Variants in ACSL3 observed in about 807,000 individuals in gnomAD.
ACSL3 encodes the protein fatty acid CoA ligase Acsl3.
In ACSL3, 34 loss-of-function variants were observed where a neutral mutation model predicts 84.7. The observed-to-expected ratio is 0.40, with a 90% CI of 0.31 to 0.53. The LOEUF is 0.53. ACSL3 is among the 20% of genes least tolerant of loss of function. The pLI is 0.48. For synonymous variants in ACSL3, 315 were observed against 299.4 expected (o/e 1.05, Z -0.54); for missense variants, 680 against 873.1 (o/e 0.78, Z 2.79).
intron 3 of ACSL3, among the ~76,000 whole-genome samples, chr2:222,903,888 G>T (rs1696222045): frequency 6.6e-6 from 1 of 152,056 alleles, no homozygotes; most frequent in Non-Finnish European, 1.5e-5. Context: ...GTAACACAGT[G>T]GGTATAAATG....
intron 13 of ACSL3, among the ~76,000 whole-genome samples, chr2:222,930,024 G>T (rs1304848435): frequency 6.8e-6 from 1 of 148,058 alleles, no homozygotes; most frequent in Non-Finnish European, 1.5e-5. Context: ...CACCTCCTGG[G>T]TTCAAGTGAT....
chr2:222,938,345 G>A (rs1697227005), intron 16 of ACSL3, among the ~76,000 whole-genome samples: 1 of 152,096 alleles, frequency 6.6e-6, no homozygotes, highest in Admixed American at 6.5e-5. Flanking sequence ...TGTAGGACTG[G>A]TCTAGTGGTG....
In ACSL3 at chr2:222,941,732, G is replaced by T; in HGVS notation, c.*78G>T. The stretch of plus-strand genomic sequence containing the variant: ...ATACTTGAAATGCATGTCTCAAGCT[G>T]CAAGGCAAACTCCATTCCTCATATT... On this transcript the variant is annotated 3_prime_UTR_variant, in exon 17 of 17. Transcript: ENST00000357430. 6.9e-7 allele frequency: 1 copy of T among 1,451,526 alleles called. No homozygotes were observed. Among genetic ancestry groups the T allele is most frequent in the Non-Finnish European group, 9.3e-7 (1 of 1,080,092 alleles). The allele number at this position is 1,451,526 out of a possible 1,614,324, so 89.9% of individuals were successfully genotyped here.
chr2:222,901,477 A>G (rs1696147824), intron 3 of ACSL3, among the ~76,000 whole-genome samples: 1 of 132,200 alleles, frequency 7.6e-6, no homozygotes, highest in African/African-American at 3.0e-5. Context: ...TTTTAAAATT[A>G]AGACATATAA....
At chr2:222,866,271 G>C (rs781438285) in intron 1 of ACSL3, among the ~76,000 whole-genome samples, 2 of 151,966 alleles carry the variant, frequency 1.3e-5, no homozygotes, top group Admixed American at 6.6e-5. Context: ...TCAGCCTCCT[G>C]AGTAGCTGGG....
chr2:222,886,393 C>A (rs190633208), intron 1 of ACSL3, among the ~76,000 whole-genome samples: 2 of 152,112 alleles, frequency 1.3e-5, no homozygotes, highest in East Asian at 3.9e-4. Flanking sequence ...CATGTCCCTG[C>A]GAAGGACATG....
chr2:222,868,384 A>C (rs1016787264), intron 1 of ACSL3, among the ~76,000 whole-genome samples: 4 of 152,230 alleles, frequency 2.6e-5, no homozygotes, highest in African/African-American at 9.6e-5. Context: ...TGTGAGATTC[A>C]AATGAGGTGT....
chr2:222,870,526 G>A (rs35585948), intron 1 of ACSL3, among the ~76,000 whole-genome samples: 11,604 of 152,266 alleles, frequency 0.076, 636 homozygotes, highest in African/African-American at 0.15. Flanking sequence ...GCCCTAAGGG[G>A]TCAGCGGATG....
At chr2:222,894,068 A>G (rs567764353) in intron 2 of ACSL3, among the ~76,000 whole-genome samples, 47 of 152,340 alleles carry the variant, frequency 3.1e-4, no homozygotes, top group African/African-American at 9.9e-4. Flanking sequence ...GCATTTGACT[A>G]TGATATTAAT....
At chr2:222,924,187 T>C (rs1696814981) in intron 10 of ACSL3, among the ~76,000 whole-genome samples, 1 of 152,242 alleles carries the variant, frequency 6.6e-6, no homozygotes, top group African/African-American at 2.4e-5. Context: ...TATGAGTATC[T>C]AGATATATTT....
At position 222,884,636 on chromosome 2, in the gene ACSL3, C is replaced by G. The variant is rs554270187; in HGVS notation, c.-206-3194C>G. On this transcript the variant is annotated intron_variant, in intron 1 of 16. Coordinates refer to ENST00000357430, the MANE Select transcript of ACSL3 (RefSeq NM_004457.5). Reference sequence around the variant, plus strand: ...ATGTGTGTCCAATCTCCTTCTGCCTCTCTATTTATAAGGACATTTGTGAGG... The same window carrying G: ...ATGTGTGTCCAATCTCCTTCTGCCTGTCTATTTATAAGGACATTTGTGAGG... Among the ~76,000 whole-genome samples the G allele has an allele frequency of 2.6e-5, 4 of 152,248 alleles. 1 individual carries two copies. In the South Asian group the frequency reaches 8.3e-4, roughly 32 times the overall value.
chr2:222,866,878 A>G (rs899513934), intron 1 of ACSL3, among the ~76,000 whole-genome samples: 4 of 129,926 alleles, frequency 3.1e-5, no homozygotes, highest in Admixed American at 2.3e-4. Flanking sequence ...TCTGTCACCT[A>G]TGCTGGAGTG....
At chr2:222,940,820 T>C (rs914082077) in intron 16 of ACSL3, among the ~76,000 whole-genome samples, 1 of 152,212 alleles carries the variant, frequency 6.6e-6, no homozygotes, top group African/African-American at 2.4e-5. Context: ...AAGTGTGTGA[T>C]GCATTTCTCA....
chr2:222,910,924 A>G (rs187594178), intron 4 of ACSL3, among the ~76,000 whole-genome samples: 1 of 152,362 alleles, frequency 6.6e-6, no homozygotes, highest in Admixed American at 6.5e-5. Context: ...GCACATTTCT[A>G]GAAATTGAAA....
chr2:222,929,007 C>G, intron 13 of ACSL3, 71 bp downstream of exon 13: 1 of 1,326,120 alleles, frequency 7.5e-7, no homozygotes, highest in Non-Finnish European at 1.1e-6. Context: ...GCTTCACTTT[C>G]TTGCTTTAGA....
chr2:222,906,926 T>C (rs1416414688), intron 3 of ACSL3, among the ~76,000 whole-genome samples: 7 of 152,216 alleles, frequency 4.6e-5, no homozygotes, highest in Non-Finnish European at 1.0e-4. Context: ...TGTGTTGTTT[T>C]TGACAGTGCC....
chr2:222,937,059 C>G (rs1229910459), intron 16 of ACSL3, among the ~76,000 whole-genome samples: 2 of 152,142 alleles, frequency 1.3e-5, no homozygotes, highest in Admixed American at 1.3e-4. Context: ...AGAACTAAAC[C>G]TTATCAGGAC....
At chr2:222,861,641 CA>C (rs1474294733) in intron 1 of ACSL3, 1 of 152,194 alleles carries the variant, frequency 6.6e-6, no homozygotes, top group Non-Finnish European at 1.5e-5. Context: ...GCGGCCCCAG[CA>C]GTGCGGTGTC....
rs772725221 is a variant in ACSL3 at position 222,924,597 on chromosome 2, TAAGTA to T, written c.1292+6_1292+10del. ...ACGTAATACTCCACTGTGCGACAGG[TAAGTA>T]AAGACTCTCTACCTCCTTCTTTCTC... On this transcript the variant is annotated splice_donor_5th_base_variant and intron_variant, in intron 11 of 16. Transcript: ENST00000357430. 61 of 1,594,918 alleles carry T rather than the reference TAAGTA, an allele frequency of 3.8e-5. No homozygotes were observed. The highest frequency in any genetic ancestry group is 1.7e-4 in the Middle Eastern group (1 of 6,048).
Sources: gnomAD v4.1 joint callset for allele counts (sites outside exome capture counted in the v4.1 genomes callset) on GRCh38, gnomAD v4.1.1 for gene constraint, MANE v1.5 for transcripts, NCBI Gene and HGNC (gene_info 2026-07-23, HGNC 2026-07-21) for gene names.